BCAS1: variants seen among roughly 807,000 people sequenced by gnomAD.
BCAS1 encodes breast carcinoma-amplified sequence 1.
BCAS1 carries 46 observed loss-of-function variants against 65.4 expected under a neutral mutation model. The ratio of observed to expected loss-of-function variants is 0.70; its 90% CI spans 0.55 to 0.90. The LOEUF (loss-of-function observed/expected upper bound fraction) is 0.90, where lower values mean the gene tolerates loss of function less well. Among genes scored for constraint, BCAS1 ranks in the 40% least tolerant of loss-of-function variants. BCAS1 has a pLI of 0.00. For synonymous variants in BCAS1, 298 were observed against 293.5 expected (o/e 1.02, Z -0.16); for missense variants, 793 against 771.2 (o/e 1.03, Z -0.33).
intron 8 of BCAS1, among the ~76,000 whole-genome samples, chr20:53,981,539 CTTT>C (rs36063430): frequency 6.9e-5 from 9 of 130,732 alleles, no homozygotes; most frequent in Admixed American, 7.7e-5. Context: ...ATTTGGCGTT[CTTT>C]TTTTTTTTTT....
chr20:54,066,230 G>A (rs1056089896), intron 1 of BCAS1, among the ~76,000 whole-genome samples: 1 of 152,226 alleles, frequency 6.6e-6, no homozygotes, highest in African/African-American at 2.4e-5. Context: ...CTGCCACCAC[G>A]CCCGGCTAAT....
At chr20:53,957,343 G>A (rs2089730347) in intron 11 of BCAS1, 89 bp downstream of exon 11, 3 of 1,226,044 alleles carry the variant, frequency 2.4e-6, no homozygotes, top group Non-Finnish European at 3.6e-6. Context: ...TGAGTTGGCT[G>A]TGGCTGAGAA....
chr20:54,042,976 G>C (rs1287418409), intron 3 of BCAS1, among the ~76,000 whole-genome samples: 3 of 152,234 alleles, frequency 2.0e-5, no homozygotes, highest in Non-Finnish European at 4.4e-5. Flanking sequence ...CCATGTTGCA[G>C]AGTCTGAGCC....
At chr20:53,960,469 T>TA (rs11467629) in intron 10 of BCAS1, among the ~76,000 whole-genome samples, 1,038 of 63,074 alleles carry the variant, frequency 0.016, 29 homozygotes, top group Non-Finnish European at 0.023. Context: ...TTCAACTTCT[T>TA]AAAAAAAAAA....
chr20:54,033,883 T>C (rs910261054), intron 3 of BCAS1, among the ~76,000 whole-genome samples: 1 of 151,308 alleles, frequency 6.6e-6, no homozygotes, highest in Non-Finnish European at 1.5e-5. Context: ...TGAACTTCAA[T>C]GCAAAAATCC....
At chr20:54,017,293 CTT>C (rs1172748184) in intron 4 of BCAS1, among the ~76,000 whole-genome samples, 1 of 152,070 alleles carries the variant, frequency 6.6e-6, no homozygotes, top group African/African-American at 2.4e-5. Flanking sequence ...ATGTTCTTCT[CTT>C]GTTTCCCTTT....
intron 1 of BCAS1, among the ~76,000 whole-genome samples, chr20:54,064,718 G>A (rs539716641): frequency 1.3e-5 from 2 of 152,194 alleles, no homozygotes; most frequent in African/African-American, 2.4e-5. Flanking sequence ...AAAATCCCAC[G>A]ATCGTGAGGC....
At chr20:54,046,713 C>A (rs984147751) in intron 3 of BCAS1, among the ~76,000 whole-genome samples, 3 of 151,128 alleles carry the variant, frequency 2.0e-5, no homozygotes, top group African/African-American at 7.3e-5. Flanking sequence ...GACATGGTGG[C>A]ACGTGCCTGT....
At chr20:54,024,737 A>G (rs1354960926) in intron 4 of BCAS1, among the ~76,000 whole-genome samples, 1 of 152,152 alleles carries the variant, frequency 6.6e-6, no homozygotes, top group Non-Finnish European at 1.5e-5. Context: ...GGTGTGGCCC[A>G]CTCAGTCACT....
At chr20:53,956,925 A>G (rs1266722650) in intron 11 of BCAS1, among the ~76,000 whole-genome samples, 1 of 152,120 alleles carries the variant, frequency 6.6e-6, no homozygotes, top group Admixed American at 6.6e-5. Flanking sequence ...TGACCCCCCG[A>G]CTCCATGTCT....
chr20:54,050,624 T>A (rs1260495281), intron 3 of BCAS1, among the ~76,000 whole-genome samples: 2 of 152,220 alleles, frequency 1.3e-5, no homozygotes, highest in African/African-American at 4.8e-5. Context: ...TAGCTCTTAA[T>A]GCATTACCTC....
chr20:54,028,717 T>A lies in BCAS1; in HGVS notation c.398A>T (p.Asp133Val). Residue 133 changes from aspartate (D) to valine (V), a missense_variant, in exon 4 of 13, where the codon GAC (aspartate) becomes GTC (valine). By Grantham distance (152) the Asp-to-Val change is radical. Coordinates refer to ENST00000688948, the MANE Select transcript of BCAS1 (RefSeq NM_001366298.2). ...VSSNKAPANK[D>V]PSESWTLPVA... ...CGGAAGTGTCCAGCTCTCACTTGGG[T>A]CTTTGTTCGCTGGAGCTTTATTGGA... The A allele has an allele frequency of 6.2e-7, 1 of 1,614,158 alleles. No individual in the cohort carries two copies.
chr20:53,971,578 T>G (rs2090181036), intron 9 of BCAS1, among the ~76,000 whole-genome samples: 1 of 152,226 alleles, frequency 6.6e-6, no homozygotes, highest in Admixed American at 6.5e-5. Flanking sequence ...AATAGCTCAT[T>G]TACTTTGGAC....
Position 54,065,986 on chromosome 20 carries a change from C to T in BCAS1, c.-6+4447G>A, listed in dbSNP as rs150911211. On this transcript the variant is annotated intron_variant, in intron 1 of 12. Transcript: ENST00000688948. ...GTAGTAATACCTAATATTTTTGTAG[C>T]GCCTACCTTATGCCAGCCATTGCTC... 7.2e-5 allele frequency among the ~76,000 whole-genome samples: 11 copies of T among 152,240 alleles called. No individual in the cohort carries two copies. In the East Asian group the frequency reaches 1.4e-3, roughly 19 times the overall value.
At chr20:53,995,635 A>C (rs1382627868) in intron 5 of BCAS1, among the ~76,000 whole-genome samples, 1 of 152,132 alleles carries the variant, frequency 6.6e-6, no homozygotes, top group Non-Finnish European at 1.5e-5. Context: ...ATAGAATTCC[A>C]TTACAACACA....
chr20:53,974,720 G>A (rs188272524), intron 9 of BCAS1, among the ~76,000 whole-genome samples: 1 of 152,286 alleles, frequency 6.6e-6, no homozygotes, highest in African/African-American at 2.4e-5. Context: ...CTGTTGTTTT[G>A]GGTCTGAAAC....
At chr20:54,059,003 G>T (rs2092342940) in intron 1 of BCAS1, among the ~76,000 whole-genome samples, 2 of 152,154 alleles carry the variant, frequency 1.3e-5, no homozygotes, top group African/African-American at 4.8e-5. Context: ...CTCTCCACAG[G>T]ACACCAGAAG....
chr20:53,966,225 C>T (rs1269013046), intron 10 of BCAS1, among the ~76,000 whole-genome samples: 1 of 152,184 alleles, frequency 6.6e-6, no homozygotes, highest in Non-Finnish European at 1.5e-5. Flanking sequence ...ATGGAACCAA[C>T]CTAAGTGCCC....
chr20:54,054,445 C>T (rs1336171329), intron 3 of BCAS1, among the ~76,000 whole-genome samples: 1 of 152,116 alleles, frequency 6.6e-6, no homozygotes, highest in Non-Finnish European at 1.5e-5. Flanking sequence ...TCAAATAATT[C>T]TCTCTGAAGG....
Sources: allele counts gnomAD v4.1 joint callset (sites outside exome capture counted in the v4.1 genomes callset), GRCh38; gene constraint gnomAD v4.1.1; transcripts MANE v1.5; gene names NCBI Gene and HGNC (gene_info 2026-07-23, HGNC 2026-07-21).